Variants in NRXN2 observed in about 807,000 individuals in gnomAD.
The protein encoded by NRXN2 is neurexin 2.
A neutral mutation model predicts 128.8 loss-of-function variants in NRXN2; 29 were observed. The ratio of observed to expected loss-of-function variants is 0.23; its 90% CI spans 0.17 to 0.31. The LOEUF (loss-of-function observed/expected upper bound fraction) is 0.31. Among genes scored for constraint, NRXN2 ranks in the 10% least tolerant of loss-of-function variants. NRXN2 has a pLI of 1.00. For missense variants in NRXN2, 1,881 were observed against 2,452.6 expected (o/e 0.77, Z 4.92); for synonymous variants, 1,098 against 1,075.2 (o/e 1.02, Z -0.41).
At position 64,656,567 on chromosome 11, in the gene NRXN2, C is replaced by T. The variant is rs149680252; in HGVS notation, c.2390-2845G>A. ...GGGAGGGATGCTGAAGGAGGTAACC[C>T]CCTTGCAGCTCAGAGATTCTTTAAT... On this transcript the variant is annotated intron_variant, in intron 11 of 22. Coordinates refer to ENST00000265459, the MANE Select transcript of NRXN2 (RefSeq NM_015080.4). Among the ~76,000 whole-genome samples, 428 of 152,148 alleles carry T rather than the reference C, an allele frequency of 2.8e-3. 2 individuals carry two copies. Among genetic ancestry groups the T allele is most frequent in the African/African-American group, 9.4e-3 (389 of 41,492 alleles).
intron 7 of NRXN2, among the ~76,000 whole-genome samples, chr11:64,668,906 G>A (rs1338733693): frequency 6.6e-6 from 1 of 152,166 alleles, no homozygotes; most frequent in Non-Finnish European, 1.5e-5. Context: ...AGTAGTTCCT[G>A]GAGGGCACTC....
chr11:64,710,117 AG>A (rs1270481143), intron 2 of NRXN2, among the ~76,000 whole-genome samples: 2 of 152,040 alleles, frequency 1.3e-5, no homozygotes, highest in Non-Finnish European at 2.9e-5. Context: ...CATGTTGGCC[AG>A]GCTGGTCTCG....
chr11:64,609,526 C>T (rs1490757230), intron 22 of NRXN2, among the ~76,000 whole-genome samples: 1 of 152,226 alleles, frequency 6.6e-6, no homozygotes, highest in East Asian at 1.9e-4. Context: ...CTGCAATTCC[C>T]ATCAGCCCCC....
rs1352759738 is a variant in NRXN2 at position 64,713,660 on chromosome 11, G to A, written c.40C>T (p.Leu14=). ...GSRWRPTPPP[L]LLLLLLALAA... is the part of the protein sequence containing the mutation. ...AGCGCCAGCAGCAGCAGCAACAGCAGCGGCGGCGGTGTCGGCCGCCACCGG... is the reference window on the plus strand; with the variant it reads ...AGCGCCAGCAGCAGCAGCAACAGCAACGGCGGCGGTGTCGGCCGCCACCGG... Residue 14 remains leucine, a synonymous_variant, in exon 2 of 23, where the codon CTG becomes TTG. Coordinates refer to ENST00000265459, the MANE Select transcript of NRXN2 (RefSeq NM_015080.4). 6 of 1,198,450 alleles carry A rather than the reference G, an allele frequency of 5.0e-6. No homozygotes were observed. Among genetic ancestry groups the A allele is most frequent in the Non-Finnish European group, 6.2e-6 (6 of 965,760 alleles). The allele number at this position is 1,198,450 out of a possible 1,614,324, so 74.2% of individuals were successfully genotyped here.
At chr11:64,627,757 G>C (rs1591594122) in intron 19 of NRXN2, among the ~76,000 whole-genome samples, 1 of 152,132 alleles carries the variant, frequency 6.6e-6, no homozygotes, top group East Asian at 1.9e-4. Context: ...TGCAGCAGTG[G>C]AAAGAGAACT....
chr11:64,623,231 C>G lies in NRXN2; in HGVS notation c.3848-153G>C. 7.7e-7 allele frequency: 1 copy of G among 1,300,980 alleles called. No homozygotes were observed. Among genetic ancestry groups the G allele is most frequent in the Non-Finnish European group, 1.0e-6 (1 of 973,146 alleles). The allele number at this position is 1,300,980 out of a possible 1,614,324, so 80.6% of individuals were successfully genotyped here. A position where few individuals can be genotyped will look rare whatever the true frequency, so the allele number is the denominator to read the frequency against. ...GGGACGGGGAGAAATGAGGAAGGGGCAGAAAGCCAAAGGGAAAGTCCTTGT... is the reference window on the plus strand; with the variant it reads ...GGGACGGGGAGAAATGAGGAAGGGGGAGAAAGCCAAAGGGAAAGTCCTTGT... On this transcript the variant is annotated intron_variant, in intron 20 of 22. Transcript: ENST00000265459. The surrounding 1 kb of genome is among the most constrained non-coding windows in gnomAD (Gnocchi z 4.9).
intron 17 of NRXN2, among the ~76,000 whole-genome samples, chr11:64,638,818 C>T (rs1167416426): frequency 6.6e-6 from 1 of 152,152 alleles, no homozygotes; most frequent in African/African-American, 2.4e-5. Context: ...GGCCCAGGTT[C>T]GGCACCTTCT....
chr11:64,661,555 G>A (rs1056854941), intron 9 of NRXN2, among the ~76,000 whole-genome samples: 1 of 152,190 alleles, frequency 6.6e-6, no homozygotes. Context: ...AGGAACAGAA[G>A]GGGCTGAAAG....
At chr11:64,705,574 A>G (rs1310284982) in intron 2 of NRXN2, among the ~76,000 whole-genome samples, 1 of 150,624 alleles carries the variant, frequency 6.6e-6, no homozygotes, top group African/African-American at 2.4e-5. Context: ...AATTTTTCTC[A>G]CCTTCTCCTT....
chr11:64,645,826 G>A (rs545121086), intron 17 of NRXN2, among the ~76,000 whole-genome samples: 101 of 152,054 alleles, frequency 6.6e-4, no homozygotes, highest in African/African-American at 2.4e-3. Flanking sequence ...CAGAGGACAG[G>A]CCCTGCTCCT....
chr11:64,697,240 G>A (rs2054673151), intron 3 of NRXN2, among the ~76,000 whole-genome samples: 1 of 152,070 alleles, frequency 6.6e-6, no homozygotes. Context: ...GGGCAGAGAA[G>A]CTGCTCCCAC....
chr11:64,630,699 C>T lies in NRXN2; in HGVS notation c.3586-126G>A. 1 of 1,126,496 alleles carries T rather than the reference C, an allele frequency of 8.9e-7. No homozygotes were observed. Among genetic ancestry groups the T allele is most frequent in the Non-Finnish European group, 1.3e-6 (1 of 772,230 alleles). 69.8% of individuals were successfully genotyped at this position (1,126,496 alleles called of 1,614,324 possible). On this transcript the variant is annotated intron_variant, in intron 18 of 22. Transcript: ENST00000265459. This position sits in a 1 kb window ranked among gnomAD's most constrained non-coding sequence, Gnocchi z 4.6. ...TAAGGCACCTTTCCCAGGTCTCAAC[C>T]GCTGGAGGAGGTGGGCAGGCTCGCT... is the stretch of plus-strand genomic sequence containing the variant.
intron 2 of NRXN2, among the ~76,000 whole-genome samples, chr11:64,699,965 G>A (rs571451172): frequency 1.3e-4 from 20 of 152,318 alleles, no homozygotes; most frequent in Non-Finnish European, 8.8e-5. Context: ...AGAAATGTAC[G>A]TCATGCTATG....
rs2054611101 is a variant in NRXN2 at position 64,696,790 on chromosome 11, AC to A, written c.748+984del. Among the ~76,000 whole-genome samples the A allele has an allele frequency of 2.0e-5, 3 of 151,984 alleles. 1 individual carries two copies. In the South Asian group the frequency reaches 6.2e-4, roughly 32 times the overall value. ...CCACTCCACCTTCCCAGGAGAAGGG[AC>A]TGGGATGCCACCTCATGCCTGCTCT... On this transcript the variant is annotated intron_variant, in intron 3 of 22. Coordinates refer to ENST00000265459, the MANE Select transcript of NRXN2 (RefSeq NM_015080.4).
In NRXN2 at chr11:64,608,494, C is replaced by CTT. The variant is rs58638827; in HGVS notation, c.4253-414_4253-413dup. 1.9e-4 allele frequency among the ~76,000 whole-genome samples: 21 copies of CTT among 111,154 alleles called. 1 individual carries two copies. The highest frequency in any genetic ancestry group is 3.7e-4 in the Admixed American group (4 of 10,874). 72.9% of individuals were successfully genotyped at this position (111,154 alleles called of 152,430 possible). A position where few individuals can be genotyped will look rare whatever the true frequency, so the allele number is the denominator to read the frequency against. ...TTTTCTAGATTTTTCTCTTTTTTTG[C>CTT]TTTTTTTTTTTTTTTTTGCTTTTGT... is the stretch of plus-strand genomic sequence containing the variant. On this transcript the variant is annotated intron_variant, in intron 22 of 22. Transcript: ENST00000265459.
At chr11:64,627,299 T>C (rs1319464656) in intron 19 of NRXN2, among the ~76,000 whole-genome samples, 2 of 151,988 alleles carry the variant, frequency 1.3e-5, no homozygotes, top group East Asian at 3.9e-4. Flanking sequence ...ACTACAGGTG[T>C]GGCGCCTGGT....
chr11:64,681,652 T>C (rs2052307369), intron 6 of NRXN2, among the ~76,000 whole-genome samples: 1 of 152,244 alleles, frequency 6.6e-6, no homozygotes, highest in Non-Finnish European at 1.5e-5. Flanking sequence ...ACAGAGGTTG[T>C]ATAACTTGCC....
In NRXN2 at chr11:64,713,028, G is replaced by C. The variant is rs887260521; in HGVS notation, c.672C>G (p.Pro224=). ...GGCTGCAGTCGCAGCCCACCTCGCC[G>C]GGGGCCAGCACGGTGCAGAGGCCGC... The part of the protein sequence containing the change: ...ANGGLCTVLA[P]GEVGCDCSHT... Residue 224 remains proline (P), a synonymous_variant, in exon 2 of 23, where the codon CCC becomes CCG. Transcript: ENST00000265459. The C allele has an allele frequency of 6.8e-6, 10 of 1,474,600 alleles. No homozygotes were observed. Among genetic ancestry groups the C allele is most frequent in the Non-Finnish European group, 9.0e-6 (10 of 1,116,290 alleles). The allele number at this position is 1,474,600 out of a possible 1,614,324, so 91.3% of individuals were successfully genotyped here.
In NRXN2 at chr11:64,607,844, G is replaced by C; in HGVS notation, c.4491C>G (p.Ser1497=). The C allele has an allele frequency of 6.3e-7, 1 of 1,599,442 alleles. No homozygotes were observed. Among genetic ancestry groups the C allele is most frequent in the Non-Finnish European group, 8.5e-7 (1 of 1,173,614 alleles). ...EEPIEASGFA[S]GEVFDSSLPP... is the part of the protein sequence containing the mutation. ...GGAGGCTGGAGTCAAAGACCTCCCC[G>C]GAGGCGAAGCCCGAGGCCTCGATGG... Residue 1497 remains serine (S), a synonymous_variant, in exon 23 of 23, where the codon TCC becomes TCG. Coordinates refer to ENST00000265459, the MANE Select transcript of NRXN2 (RefSeq NM_015080.4).
Sources: allele counts gnomAD v4.1 joint callset (sites outside exome capture counted in the v4.1 genomes callset), GRCh38; gene constraint gnomAD v4.1.1; non-coding constraint Gnocchi (gnomAD v3.1); transcripts MANE v1.5; gene names NCBI Gene and HGNC (gene_info 2026-07-23, HGNC 2026-07-21).